Variants in RBM25 observed in about 807,000 individuals in gnomAD.
RBM25 encodes the protein RNA-binding protein 25.
Under a neutral mutation model 120.7 loss-of-function variants are expected in RBM25, and 19 were observed. The ratio of observed to expected loss-of-function variants is 0.16; its 90% confidence interval spans 0.11 to 0.23. The LOEUF (loss-of-function observed/expected upper bound fraction) is 0.23, where lower values mean the gene tolerates loss of function less well. RBM25 is among the 10% of genes least tolerant of loss of function. The pLI, the probability that RBM25 is intolerant of heterozygous loss-of-function variation, is 1.00. For missense variants in RBM25, 605 were observed against 1,041.5 expected, an observed-to-expected ratio of 0.58 and a Z score of 5.77; for synonymous variants, 390 against 326.7, an observed-to-expected ratio of 1.19 and a Z score of -2.09.
At position 73,123,862 on chromosome 14, in the gene RBM25, A is replaced by T. The variant is rs1343710896; in HGVS notation, c.*4057A>T. 6.6e-6 allele frequency: 1 copy of T among 152,188 alleles called. No individual in the cohort carries two copies. Among genetic ancestry groups the T allele is most frequent in the Non-Finnish European group, 1.5e-5 (1 of 68,042 alleles). 9.4% of individuals were successfully genotyped at this position (152,188 alleles called of 1,614,324 possible). A position where few individuals can be genotyped will look rare whatever the true frequency, so the allele number is the denominator to read the frequency against. ...AGATAATTTCTAGAAACAAAAATAA[A>T]AATTCTTTTCAAGCCATGTTGTTTG... is the stretch of plus-strand genomic sequence containing the variant. On this transcript the variant is annotated 3_prime_UTR_variant, in exon 19 of 19. Coordinates refer to ENST00000261973, the MANE Select transcript of RBM25 (RefSeq NM_021239.3).
At chr14:73,080,409 G>A (rs954032841) in intron 4 of RBM25, among the ~76,000 whole-genome samples, 5 of 151,690 alleles carry the variant, frequency 3.3e-5, no homozygotes, top group Admixed American at 3.3e-4. Context: ...ATTTTTAGTA[G>A]AGACAAGGTT....
At chr14:73,088,199 T>C (rs377566986) in intron 6 of RBM25, 38 bp downstream of exon 6, 142 of 1,609,610 alleles carry the variant, frequency 8.8e-5, no homozygotes, top group Non-Finnish European at 1.2e-4. Context: ...TAGGCCAGAC[T>C]GTGCTATTTC....
At chr14:73,089,595 T>A (rs1370987597) in intron 6 of RBM25, among the ~76,000 whole-genome samples, 1 of 152,120 alleles carries the variant, frequency 6.6e-6, no homozygotes, top group African/African-American at 2.4e-5. Flanking sequence ...CTTCAGGTAA[T>A]CTGTTCTCCT....
At position 73,119,865 on chromosome 14, in the gene RBM25, T is replaced by C. The variant is rs192003232; in HGVS notation, c.*60T>C. ...TTCTTTGCCACCCTTTTAAGGACTT[T>C]GAATTTTTCTTTGTCTTTGAAGACA... On this transcript the variant is annotated 3_prime_UTR_variant, in exon 19 of 19. Coordinates refer to ENST00000261973, the MANE Select transcript of RBM25 (RefSeq NM_021239.3). 6.7e-5 allele frequency: 104 copies of C among 1,549,776 alleles called. 1 individual carries two copies. The Admixed American group carries it at 2.3e-3, about 34-fold the overall frequency.
At chr14:73,087,233 A>G (rs1441216954) in intron 5 of RBM25, among the ~76,000 whole-genome samples, 6 of 152,230 alleles carry the variant, frequency 3.9e-5, no homozygotes, top group Non-Finnish European at 1.5e-5. Context: ...TAGTTATAAA[A>G]GGAAATAGAT....
Position 73,111,820 on chromosome 14 carries a change from T to C in RBM25, c.2292+18T>C, listed in dbSNP as rs1482892814. ...TGGATTCTGTGAGTAGGAAATTATA[T>C]TTCATCATATTATTGGGAACAGTTG... On this transcript the variant is annotated intron_variant, in intron 16 of 18. Transcript: ENST00000261973. 6.4e-7 allele frequency: 1 copy of C among 1,557,946 alleles called. No individual in the cohort carries two copies. Among genetic ancestry groups the C allele is most frequent in the African/African-American group, 1.4e-5 (1 of 72,438 alleles).
intron 5 of RBM25, among the ~76,000 whole-genome samples, chr14:73,086,493 A>G (rs898535697): frequency 4.6e-5 from 7 of 151,270 alleles, no homozygotes; most frequent in Non-Finnish European, 4.4e-5. Context: ...TTTCCAGTGT[A>G]TACTAATTCA....
intron 17 of RBM25, among the ~76,000 whole-genome samples, chr14:73,112,969 A>G (rs1336706889): frequency 6.6e-6 from 1 of 151,620 alleles, no homozygotes; most frequent in Non-Finnish European, 1.5e-5. Context: ...ACACCCTGCT[A>G]ATTTTTTTTT....
At chr14:73,100,155 T>C in intron 9 of RBM25, 1 of 481,004 alleles carries the variant, frequency 2.1e-6, no homozygotes, top group Non-Finnish European at 3.7e-6. Flanking sequence ...AAAATTTACA[T>C]TTTATATTTG....
chr14:73,066,809 A>G (rs1566580644), intron 1 of RBM25, among the ~76,000 whole-genome samples: 1 of 152,210 alleles, frequency 6.6e-6, no homozygotes, highest in Non-Finnish European at 1.5e-5. Context: ...AGCTGTGAGC[A>G]TGTAGGTCAT....
intron 7 of RBM25, 99 bp downstream of exon 7, chr14:73,097,199 T>TTA: frequency 3.3e-6 from 2 of 601,440 alleles, no homozygotes; most frequent in Non-Finnish European, 4.6e-6. Context: ...TTCTTTTCTT[T>TTA]TTTTTTTTTT....
At chr14:73,098,330 A>G (rs1293672400) in intron 7 of RBM25, among the ~76,000 whole-genome samples, 1 of 152,034 alleles carries the variant, frequency 6.6e-6, no homozygotes, top group Non-Finnish European at 1.5e-5. Context: ...GGGTTTCACC[A>G]TGTTGCCCAA....
At chr14:73,072,715 T>C (rs1895323582) in intron 2 of RBM25, among the ~76,000 whole-genome samples, 1 of 152,180 alleles carries the variant, frequency 6.6e-6, no homozygotes, top group Middle Eastern at 3.2e-3. Flanking sequence ...TTCAGGAGAC[T>C]GAGGTGGGAG....
chr14:73,103,808 C>G (rs1344538102), intron 10 of RBM25, among the ~76,000 whole-genome samples: 2 of 151,990 alleles, frequency 1.3e-5, no homozygotes, highest in East Asian at 3.9e-4. Flanking sequence ...CCTGCCTCAG[C>G]CTCCCTAAGT....
intron 9 of RBM25, chr14:73,101,474 G>GTT (rs141051006): frequency 2.9e-4 from 43 of 150,626 alleles, no homozygotes; most frequent in Non-Finnish European, 5.6e-4. Flanking sequence ...AAATATACAT[G>GTT]TATGTTTACA....
At position 73,120,059 on chromosome 14, in the gene RBM25, A is replaced by G. The variant is rs1441525410; in HGVS notation, c.*254A>G. ...ATGTTTTATAAGCCGCAGCTACTGT[A>G]CACAGCCTATCTGATATAATCTTGT... On this transcript the variant is annotated 3_prime_UTR_variant, in exon 19 of 19. Transcript: ENST00000261973. 3 of 362,402 alleles carry G rather than the reference A, an allele frequency of 8.3e-6. No individual in the cohort carries two copies. The East Asian group carries it at 2.1e-4, about 25-fold the overall frequency. The allele number at this position is 362,402 out of a possible 1,614,324, so 22.4% of individuals were successfully genotyped here. A position where few individuals can be genotyped will look rare whatever the true frequency, so the allele number is the denominator to read the frequency against.
chr14:73,061,483 TCTG>T (rs1895005849), intron 1 of RBM25, among the ~76,000 whole-genome samples: 5 of 151,464 alleles, frequency 3.3e-5, no homozygotes, highest in African/African-American at 1.2e-4. Context: ...AAGGATTCCT[TCTG>T]TCTGTTTGCA....
At chr14:73,067,323 A>G (rs1895162736) in intron 1 of RBM25, among the ~76,000 whole-genome samples, 1 of 152,200 alleles carries the variant, frequency 6.6e-6, no homozygotes, top group Non-Finnish European at 1.5e-5. Flanking sequence ...GGAATGTTCA[A>G]CATTATTTGT....
intron 6 of RBM25, among the ~76,000 whole-genome samples, chr14:73,090,761 T>C (rs1895796243): frequency 6.6e-6 from 1 of 152,222 alleles, no homozygotes; most frequent in Non-Finnish European, 1.5e-5. Context: ...TTGTGGGCTG[T>C]GTCTCTTTAA....
Sources: allele counts gnomAD v4.1 joint callset (sites outside exome capture counted in the v4.1 genomes callset), GRCh38; gene constraint gnomAD v4.1.1; transcripts MANE v1.5; gene names NCBI Gene and HGNC (gene_info 2026-07-23, HGNC 2026-07-21).